Variants in CACNA1E observed in about 807,000 individuals in gnomAD.
The protein encoded by CACNA1E is voltage-dependent R-type calcium channel subunit alpha-1E.
A neutral mutation model predicts 259.2 loss-of-function variants in CACNA1E; 40 were observed. That is an observed-to-expected ratio of 0.15 (90% CI 0.12 to 0.20). The LOEUF (loss-of-function observed/expected upper bound fraction) is 0.20. Among genes scored for constraint, CACNA1E ranks in the 10% least tolerant of loss-of-function variants. The pLI is 1.00. For synonymous variants in CACNA1E, 1,104 were observed against 1,138.5 expected (o/e 0.97, Z 0.61); for missense variants, 1,874 against 3,040.1 (o/e 0.62, Z 9.02).
chr1:181,625,801 G>T (rs571956983), intron 6 of CACNA1E, among the ~76,000 whole-genome samples: 2 of 152,268 alleles, frequency 1.3e-5, no homozygotes, highest in East Asian at 3.9e-4. Context: ...TGGCCATTTG[G>T]TGTAAGAGGC....
intron 43 of CACNA1E, among the ~76,000 whole-genome samples, chr1:181,790,171 T>C (rs1661172425): frequency 1.3e-5 from 2 of 152,204 alleles, no homozygotes; most frequent in Admixed American, 6.5e-5. Flanking sequence ...TGCTCTTCCA[T>C]ATGGCTGAAT....
intron 6 of CACNA1E, among the ~76,000 whole-genome samples, chr1:181,596,557 CGTGTGTGT>C (rs60302499): frequency 0.13 from 17,662 of 140,522 alleles, 1,125 homozygotes; most frequent in Admixed American, 0.16. Context: ...CCACCATGTA[CGTGTGTGT>C]GTGTGTGTGT....
At position 181,720,791 on chromosome 1, in the gene CACNA1E, T is replaced by G; in HGVS notation, c.1892T>G (p.Phe631Cys). The G allele has an allele frequency of 6.2e-7, 1 of 1,601,720 alleles. No homozygotes were observed. The highest frequency in any genetic ancestry group is 8.5e-7 in the Non-Finnish European group (1 of 1,169,898). ...GMQLFGGRFN[F>C]NDGTPSANFD... is the part of the protein sequence containing the mutation. Reference sequence around the variant, plus strand: ...CTAATTTTGTTTTTCAGGTTTAACTTTAATGATGGGACTCCTTCGGCAAAT... The same window carrying G: ...CTAATTTTGTTTTTCAGGTTTAACTGTAATGATGGGACTCCTTCGGCAAAT... The change falls in exon 15 of 48, where the codon TTT becomes TGT. Residue 631 changes from phenylalanine to cysteine, a missense_variant. By Grantham distance (205) the Phe-to-Cys change is radical. Coordinates refer to ENST00000367573, the MANE Select transcript of CACNA1E (RefSeq NM_001205293.3).
chr1:181,501,475 G>T (rs1233268864), intron 1 of CACNA1E, among the ~76,000 whole-genome samples: 2 of 152,186 alleles, frequency 1.3e-5, no homozygotes, highest in Non-Finnish European at 2.9e-5. Context: ...CTAAAGTAAT[G>T]AGAATTTGGA....
At chr1:181,341,241 C>G (rs925629096) in intron 1 of CACNA1E, among the ~76,000 whole-genome samples, 15 of 152,106 alleles carry the variant, frequency 9.9e-5, no homozygotes, top group African/African-American at 2.7e-4. Flanking sequence ...GGAAGTGCTT[C>G]AAAATGCTTG....
At chr1:181,781,362 C>T in intron 38 of CACNA1E, 65 bp from the exon 39 acceptor site, 1 of 765,502 alleles carries the variant, frequency 1.3e-6, no homozygotes, top group East Asian at 2.7e-5. Flanking sequence ...CTTCCTTCTC[C>T]TTTCCCTGCC....
rs1242666082 is a variant in CACNA1E at position 181,796,757 on chromosome 1, T to G, written c.6298T>G (p.Cys2100Gly). ...TCTTCTCTCTCCTGATGTCTCCCGC[T>G]GCAATTCAGAAGAGCGAGGGACCCA... ...KHLLSPDVSRCNSEERGTQAD... is the reference protein window; with the variant it reads ...KHLLSPDVSRGNSEERGTQAD... The change falls in exon 47 of 48, where the codon TGC becomes GGC. Residue 2100 changes from cysteine to glycine, a missense_variant. Cys to Gly is a radical substitution (Grantham distance 159, BLOSUM62 -3). This residue lies in a region of CACNA1E where 542 missense variants were observed against 587.2 expected (regional missense o/e 0.92). Coordinates refer to ENST00000367573, the MANE Select transcript of CACNA1E (RefSeq NM_001205293.3). The G allele has an allele frequency of 5.0e-6, 8 of 1,613,220 alleles. No individual in the cohort carries two copies. The Admixed American group carries it at 1.3e-4, about 27-fold the overall frequency.
At chr1:181,610,129 C>G (rs1654617783) in intron 6 of CACNA1E, among the ~76,000 whole-genome samples, 1 of 152,218 alleles carries the variant, frequency 6.6e-6, no homozygotes, top group Non-Finnish European at 1.5e-5. Context: ...AAAGCCATGA[C>G]AGTTTGCTCC....
chr1:181,773,951 G>A (rs1419855530), intron 37 of CACNA1E, among the ~76,000 whole-genome samples: 1 of 152,146 alleles, frequency 6.6e-6, no homozygotes, highest in Non-Finnish European at 1.5e-5. Flanking sequence ...AGATCTATAT[G>A]AGACTGACTG....
chr1:181,485,095 G>T lies in CACNA1E; in HGVS notation c.266+1085G>T, dbSNP rs187232027. 2.0e-3 allele frequency among the ~76,000 whole-genome samples: 311 copies of T among 152,360 alleles called. 2 individuals carry two copies. Among genetic ancestry groups the T allele is most frequent in the Non-Finnish European group, 2.7e-3 (186 of 68,026 alleles). ...AAGGGGATTAGTAGGAGGCAAGCTAGTGGTCTGGCGTTAAATATGGGGATG... is the reference window on the plus strand; with the variant it reads ...AAGGGGATTAGTAGGAGGCAAGCTATTGGTCTGGCGTTAAATATGGGGATG... On this transcript the variant is annotated intron_variant, in intron 1 of 47. Coordinates refer to ENST00000367573, the MANE Select transcript of CACNA1E (RefSeq NM_001205293.3). The surrounding 1 kb of genome is among the most constrained non-coding windows in gnomAD (Gnocchi z 4.2).
At chr1:181,563,334 A>G (rs1649507194) in intron 3 of CACNA1E, among the ~76,000 whole-genome samples, 1 of 152,182 alleles carries the variant, frequency 6.6e-6, no homozygotes, top group Non-Finnish European at 1.5e-5. Flanking sequence ...TTTGTCTAAA[A>G]TTTATGGATC....
chr1:181,547,068 G>A (rs1040783957), intron 3 of CACNA1E, among the ~76,000 whole-genome samples: 1 of 152,084 alleles, frequency 6.6e-6, no homozygotes, highest in African/African-American at 2.4e-5. Context: ...TCTGTTAACG[G>A]CCATGAAAAT....
chr1:181,628,980 G>A (rs1210986804), intron 6 of CACNA1E, among the ~76,000 whole-genome samples: 1 of 152,156 alleles, frequency 6.6e-6, no homozygotes, highest in Non-Finnish European at 1.5e-5. Context: ...CAGTGATAGG[G>A]ACTGGGAATA....
intron 6 of CACNA1E, among the ~76,000 whole-genome samples, chr1:181,610,623 T>C (rs879042100): frequency 1.3e-5 from 2 of 152,222 alleles, no homozygotes; most frequent in Admixed American, 6.5e-5. Context: ...TTTGATCATC[T>C]AAGGTCTTAT....
At chr1:181,676,098 C>T (rs1649349462) in intron 7 of CACNA1E, among the ~76,000 whole-genome samples, 1 of 152,088 alleles carries the variant, frequency 6.6e-6, no homozygotes, top group South Asian at 2.1e-4. Context: ...CTCGTTAGAA[C>T]TATAAGGCTC....
At chr1:181,786,789 T>TA (rs1660881800) in intron 43 of CACNA1E, among the ~76,000 whole-genome samples, 1 of 152,188 alleles carries the variant, frequency 6.6e-6, no homozygotes, top group East Asian at 1.9e-4. Flanking sequence ...AAGAGAGTGA[T>TA]ACTTAGGGCT....
chr1:181,586,374 A>G (rs1425924622), intron 6 of CACNA1E, among the ~76,000 whole-genome samples: 1 of 152,294 alleles, frequency 6.6e-6, no homozygotes, highest in South Asian at 2.1e-4. Context: ...TTTTCAGTGT[A>G]TAGATGGTAA....
chr1:181,326,853 G>A (rs1571569966), intron 1 of CACNA1E, among the ~76,000 whole-genome samples: 2 of 152,114 alleles, frequency 1.3e-5, no homozygotes, highest in Non-Finnish European at 2.9e-5. Context: ...CCTGTTGCCC[G>A]AGACAGAAAT....
At chr1:181,646,457 TC>T (rs976243479) in intron 6 of CACNA1E, among the ~76,000 whole-genome samples, 1 of 152,012 alleles carries the variant, frequency 6.6e-6, no homozygotes, top group African/African-American at 2.4e-5. Context: ...GAGCAGGTGT[TC>T]CCCAGAGACC....
Sources: allele counts gnomAD v4.1 joint callset (sites outside exome capture counted in the v4.1 genomes callset), GRCh38; gene constraint gnomAD v4.1.1; regional missense constraint gnomAD v4.1.1; non-coding constraint Gnocchi (gnomAD v3.1); transcripts MANE v1.5; gene names NCBI Gene and HGNC (gene_info 2026-07-23, HGNC 2026-07-21).